NDST3: variants seen among roughly 807,000 people sequenced by gnomAD.
The protein encoded by NDST3 is N-deacetylase and N-sulfotransferase 3, also known as bifunctional heparan sulfate N-deacetylase/N-sulfotransferase 3.
Under a neutral mutation model 96.1 loss-of-function variants are expected in NDST3, and 58 were observed. The observed-to-expected ratio is 0.60, with a 90% CI of 0.49 to 0.75. NDST3 has a LOEUF of 0.75. Ranked by LOEUF, NDST3 falls within the 30% of genes least tolerant of loss-of-function variation. NDST3 has a pLI of 0.00. For synonymous variants in NDST3, 333 were observed against 359.7 expected, an observed-to-expected ratio of 0.93 and a Z score of 0.84; for missense variants, 788 against 1,034.2, an observed-to-expected ratio of 0.76 and a Z score of 3.27.
intron 6 of NDST3, among the ~76,000 whole-genome samples, chr4:118,213,041 T>C (rs1360890169): frequency 6.6e-6 from 1 of 152,222 alleles, no homozygotes; most frequent in African/African-American, 2.4e-5. Context: ...ACCTTCCTTA[T>C]TAGTCTCTTC....
intron 6 of NDST3, among the ~76,000 whole-genome samples, chr4:118,204,417 G>A (rs1320277510): frequency 1.4e-5 from 2 of 144,820 alleles, no homozygotes; most frequent in Non-Finnish European, 3.1e-5. Flanking sequence ...GTGCAGCCAC[G>A]TGGTGGAAGA....
intron 3 of NDST3, 87 bp downstream of exon 3, chr4:118,105,192 A>G (rs1330503070): frequency 1.1e-6 from 1 of 882,952 alleles, no homozygotes; most frequent in Non-Finnish European, 1.8e-6. Flanking sequence ...ACACTGTCCT[A>G]CATTCCCTAT....
At chr4:118,158,572 GA>G (rs1734865622) in intron 6 of NDST3, among the ~76,000 whole-genome samples, 1 of 152,108 alleles carries the variant, frequency 6.6e-6, no homozygotes, top group Non-Finnish European at 1.5e-5. Flanking sequence ...ACAATTGATT[GA>G]AAAAAGAAAC....
intron 6 of NDST3, among the ~76,000 whole-genome samples, chr4:118,185,033 A>T (rs1736852106): frequency 6.6e-6 from 1 of 152,210 alleles, no homozygotes; most frequent in Non-Finnish European, 1.5e-5. Flanking sequence ...TTTGTACAAC[A>T]TATCCTATTA....
At chr4:118,075,125 C>A (rs897414962) in intron 2 of NDST3, among the ~76,000 whole-genome samples, 1 of 151,262 alleles carries the variant, frequency 6.6e-6, no homozygotes, top group African/African-American at 2.4e-5. Context: ...TTGTTCAATT[C>A]CTACCTATGA....
intron 3 of NDST3, among the ~76,000 whole-genome samples, chr4:118,110,632 A>T (rs1302264177): frequency 1.3e-4 from 20 of 152,212 alleles, no homozygotes; most frequent in Admixed American, 1.3e-3. Flanking sequence ...AGTGTAGAGA[A>T]GTTATTTAAA....
chr4:118,124,755 G>A (rs779334895), intron 4 of NDST3, among the ~76,000 whole-genome samples: 3 of 152,072 alleles, frequency 2.0e-5, no homozygotes, highest in African/African-American at 2.4e-5. Context: ...CCGGAGATGA[G>A]TAACTCCAGA....
chr4:118,161,964 C>T (rs1157489946), intron 6 of NDST3, among the ~76,000 whole-genome samples: 2 of 152,168 alleles, frequency 1.3e-5, no homozygotes, highest in African/African-American at 2.4e-5. Flanking sequence ...TCTTCTGCAT[C>T]GCTCACGCTG....
At chr4:118,087,436 A>G (rs969316126) in intron 2 of NDST3, among the ~76,000 whole-genome samples, 14 of 152,148 alleles carry the variant, frequency 9.2e-5, no homozygotes, top group Admixed American at 9.2e-4. Flanking sequence ...TTCCCTTCCC[A>G]TCAGCACTTC....
chr4:118,214,585 T>C (rs1409274282), intron 6 of NDST3, among the ~76,000 whole-genome samples: 1 of 152,192 alleles, frequency 6.6e-6, no homozygotes, highest in South Asian at 2.1e-4. Context: ...ATGTATCTAC[T>C]GGACAGCATT....
At chr4:118,210,649 T>G (rs4362895) in intron 6 of NDST3, among the ~76,000 whole-genome samples, 128,412 of 151,778 alleles carry the variant, frequency 0.85, 55,544 homozygotes, top group South Asian at 0.95. Context: ...GGTGGCACGC[T>G]CCTGTAGTCC....
intron 6 of NDST3, among the ~76,000 whole-genome samples, chr4:118,196,105 T>C (rs4833565): frequency 0.51 from 78,020 of 152,150 alleles, 24,094 homozygotes; most frequent in East Asian, 0.74. Flanking sequence ...GACATGATCA[T>C]ACGGATTTGT....
At chr4:118,119,412 T>C (rs1731368944) in intron 4 of NDST3, among the ~76,000 whole-genome samples, 1 of 152,218 alleles carries the variant, frequency 6.6e-6, no homozygotes, top group Admixed American at 6.5e-5. Context: ...TGATGCACTT[T>C]ATAAAAAGGC....
intron 10 of NDST3, among the ~76,000 whole-genome samples, chr4:118,240,119 T>C (rs1345576143): frequency 6.6e-6 from 1 of 151,758 alleles, no homozygotes; most frequent in Admixed American, 6.6e-5. Context: ...GCAAAACTAT[T>C]TGGCAGAGGT....
chr4:118,090,891 G>A (rs1322392282), intron 2 of NDST3, among the ~76,000 whole-genome samples: 1 of 151,796 alleles, frequency 6.6e-6, no homozygotes, highest in Admixed American at 6.6e-5. Context: ...GATGTAAAGA[G>A]ATAAAATATG....
intron 1 of NDST3, among the ~76,000 whole-genome samples, chr4:118,034,963 A>C (rs548107861): frequency 6.6e-6 from 1 of 152,124 alleles, no homozygotes; most frequent in African/African-American, 2.4e-5. Flanking sequence ...CTACCTGCCT[A>C]TCTACACAGT....
chr4:118,129,294 GT>G (rs1365955266), intron 4 of NDST3, among the ~76,000 whole-genome samples: 1 of 151,566 alleles, frequency 6.6e-6, no homozygotes, highest in East Asian at 1.9e-4. Flanking sequence ...TTATTTGAAG[GT>G]TTTTTCTTTT....
intron 4 of NDST3, among the ~76,000 whole-genome samples, chr4:118,116,707 A>C (rs963434486): frequency 1.3e-5 from 2 of 151,824 alleles, no homozygotes. Flanking sequence ...AAATACAAAC[A>C]ATTAGCCAGG....
intron 3 of NDST3, among the ~76,000 whole-genome samples, chr4:118,111,484 C>A (rs1248787221): frequency 6.6e-6 from 1 of 151,652 alleles, no homozygotes; most frequent in Non-Finnish European, 1.5e-5. Context: ...ACAGTCCAAC[C>A]AAATGTAATT....
Sources: gnomAD v4.1 joint callset for allele counts (sites outside exome capture counted in the v4.1 genomes callset) on GRCh38, gnomAD v4.1.1 for gene constraint, MANE v1.5 for transcripts, NCBI Gene and HGNC (gene_info 2026-07-23, HGNC 2026-07-21) for gene names.